The following SMG6 variants were observed in gnomAD, a reference collection of about 807,000 sequenced individuals.
SMG6 encodes the protein telomerase-binding protein EST1A.
A neutral mutation model predicts 142.2 loss-of-function variants in SMG6; 66 were observed. The ratio of observed to expected loss-of-function variants is 0.46; its 90% CI spans 0.38 to 0.57. The LOEUF is 0.57. Among genes scored for constraint, SMG6 ranks in the 20% least tolerant of loss-of-function variants. SMG6 has a pLI of 0.00. For missense variants in SMG6, 1,793 were observed against 1,832.0 expected (o/e 0.98, Z 0.39); for synonymous variants, 779 against 702.4 (o/e 1.11, Z -1.72).
In SMG6 at chr17:2,205,436, C is replaced by T. The variant is rs908196541; in HGVS notation, c.2870-16921G>A. Among the ~76,000 whole-genome samples the T allele has an allele frequency of 6.0e-4, 91 of 152,000 alleles. 2 individuals carry two copies. Among genetic ancestry groups the T allele is most frequent in the Admixed American group, 6.0e-3 (91 of 15,266 alleles). Reference sequence around the variant, plus strand: ...ATTTTTTATATTTACTCTTTTATACCACAATTCACAAAAGATTTGTGACAA... The same window carrying T: ...ATTTTTTATATTTACTCTTTTATACTACAATTCACAAAAGATTTGTGACAA... On this transcript the variant is annotated intron_variant, in intron 10 of 18. Coordinates refer to ENST00000263073, the MANE Select transcript of SMG6 (RefSeq NM_017575.5).
intron 13 of SMG6, among the ~76,000 whole-genome samples, chr17:2,145,974 A>G (rs975544377): frequency 1.3e-5 from 2 of 152,176 alleles, no homozygotes; most frequent in East Asian, 1.9e-4. Flanking sequence ...TAGCATCTGA[A>G]TAACTAAAAA....
intron 10 of SMG6, among the ~76,000 whole-genome samples, chr17:2,216,735 T>C (rs1298799925): frequency 6.6e-6 from 1 of 152,224 alleles, no homozygotes; most frequent in East Asian, 1.9e-4. Flanking sequence ...TGCTAAAATA[T>C]TATATAGTCT....
At chr17:2,219,803 C>CAAAAAAAAA (rs72234069) in intron 10 of SMG6, among the ~76,000 whole-genome samples, 1 of 118,094 alleles carries the variant, frequency 8.5e-6, no homozygotes, top group Non-Finnish European at 1.8e-5. Context: ...GACCCTTTAT[C>CAAAAAAAAA]AAAAAAAAAA....
Position 2,075,147 on chromosome 17 carries a change from T to C in SMG6, c.3682-6216A>G, listed in dbSNP as rs1317826478. Among the ~76,000 whole-genome samples the C allele has an allele frequency of 2.6e-5, 4 of 152,194 alleles. 1 individual carries two copies. In the South Asian group the frequency reaches 8.3e-4, roughly 31 times the overall value. On this transcript the variant is annotated intron_variant, in intron 15 of 18. Transcript: ENST00000263073. ...GACAGCCAGGAGCCAGGCCTGAGTGTCTGCCTTCCGCCAGCTTCCATACAG... is the reference window on the plus strand; with the variant it reads ...GACAGCCAGGAGCCAGGCCTGAGTGCCTGCCTTCCGCCAGCTTCCATACAG...
At chr17:2,181,502 C>T (rs1388155366) in intron 12 of SMG6, among the ~76,000 whole-genome samples, 1 of 152,218 alleles carries the variant, frequency 6.6e-6, no homozygotes, top group Non-Finnish European at 1.5e-5. Context: ...TTCTCTATTA[C>T]ACTGTTTTAT....
chr17:2,217,680 C>T (rs925638469), intron 10 of SMG6, among the ~76,000 whole-genome samples: 2 of 152,190 alleles, frequency 1.3e-5, no homozygotes, highest in Non-Finnish European at 2.9e-5. Flanking sequence ...CTCCCCTCAG[C>T]CACCTTCCAC....
At chr17:2,121,657 A>T (rs577380046) in intron 13 of SMG6, among the ~76,000 whole-genome samples, 2 of 138,198 alleles carry the variant, frequency 1.4e-5, no homozygotes, top group South Asian at 2.3e-4. Flanking sequence ...AGAGAGAGAG[A>T]GAGTATCACC....
chr17:2,103,373 G>T (rs1243623049), intron 13 of SMG6, among the ~76,000 whole-genome samples: 1 of 152,208 alleles, frequency 6.6e-6, no homozygotes, highest in East Asian at 1.9e-4. Context: ...ATGGAAAAGG[G>T]TGGTATAGGT....
At chr17:2,293,758 G>C (rs111933964) in intron 4 of SMG6, among the ~76,000 whole-genome samples, 7 of 152,230 alleles carry the variant, frequency 4.6e-5, no homozygotes, top group Admixed American at 4.6e-4. Context: ...ACAGGCGTGA[G>C]CCATCACGCC....
At chr17:2,246,114 T>C (rs1567714618) in intron 8 of SMG6, among the ~76,000 whole-genome samples, 1 of 152,258 alleles carries the variant, frequency 6.6e-6, no homozygotes, top group East Asian at 1.9e-4. Flanking sequence ...TTTACAATCG[T>C]GGTTCAAGGT....
chr17:2,284,258 T>C (rs1377518241), intron 6 of SMG6, among the ~76,000 whole-genome samples: 1 of 152,196 alleles, frequency 6.6e-6, no homozygotes, highest in Non-Finnish European at 1.5e-5. Flanking sequence ...GGAGTAATAA[T>C]ACCCAATGGA....
At chr17:2,188,176 G>C (rs527596683) in intron 11 of SMG6, among the ~76,000 whole-genome samples, 2 of 152,200 alleles carry the variant, frequency 1.3e-5, no homozygotes, top group Admixed American at 1.3e-4. Context: ...GGAGAAAAGA[G>C]AGAGGAAAGG....
intron 6 of SMG6, among the ~76,000 whole-genome samples, chr17:2,291,461 G>GA: frequency 6.6e-6 from 1 of 151,638 alleles, no homozygotes; most frequent in East Asian, 1.9e-4. Flanking sequence ...AAAAAGGGAA[G>GA]AAAAAATAGT....
chr17:2,081,888 G>A lies in SMG6; in HGVS notation c.3603C>T (p.Asp1201=), dbSNP rs751378779. 21 of 1,614,156 alleles carry A rather than the reference G, an allele frequency of 1.3e-5. 2 individuals carry two copies. The South Asian group carries it at 2.1e-4, about 16-fold the overall frequency. ...GCTTCTTGGCCCGAAGCTCCCTGAT[G>A]TCATCCTCGCCTCCGCTGCCTTCAG... ...SEAEGSGGED[D]IRELRAKKLA... is the part of the protein sequence containing the mutation. The change falls in exon 15 of 19, where the codon GAC becomes GAT. Residue 1201 remains aspartate, a synonymous_variant. Transcript: ENST00000263073.
Position 2,076,010 on chromosome 17 carries a change from C to T in SMG6, c.3681+5800G>A, listed in dbSNP as rs2068247660. 9.2e-5 allele frequency among the ~76,000 whole-genome samples: 14 copies of T among 152,224 alleles called. 1 individual carries two copies. Among genetic ancestry groups the T allele is most frequent in the Admixed American group, 9.2e-4 (14 of 15,290 alleles). Reference sequence around the variant, plus strand: ...AGAGGGAGACCAGGCCTCACCTCCCCCATGCTCACAGAAGAGCTTAGGCGG... The same window carrying T: ...AGAGGGAGACCAGGCCTCACCTCCCTCATGCTCACAGAAGAGCTTAGGCGG... On this transcript the variant is annotated intron_variant, in intron 15 of 18. Transcript: ENST00000263073.
chr17:2,293,124 ACT>A, intron 4 of SMG6, 147 bp from the exon 5 acceptor site: 1 of 614,246 alleles, frequency 1.6e-6, no homozygotes, highest in South Asian at 2.0e-5. Flanking sequence ...CCTAAACCTG[ACT>A]ACCAAAAAAA....
intron 13 of SMG6, among the ~76,000 whole-genome samples, chr17:2,128,615 G>A (rs569345559): frequency 2.0e-5 from 3 of 152,234 alleles, no homozygotes; most frequent in East Asian, 1.9e-4. Context: ...CTTGAGGTCA[G>A]GAGTTCGAGA....
intron 8 of SMG6, among the ~76,000 whole-genome samples, chr17:2,261,698 C>T (rs1016064005): frequency 3.9e-5 from 6 of 151,968 alleles, no homozygotes; most frequent in South Asian, 2.1e-4. Flanking sequence ...CCCCAGTGTA[C>T]GGATGTAAAG....
intron 10 of SMG6, among the ~76,000 whole-genome samples, chr17:2,197,108 A>T (rs1230571076): frequency 6.6e-6 from 1 of 152,200 alleles, no homozygotes; most frequent in African/African-American, 2.4e-5. Context: ...CAAAAGTACA[A>T]TCCATAAAAG....
Sources: allele counts gnomAD v4.1 joint callset (sites outside exome capture counted in the v4.1 genomes callset), GRCh38; gene constraint gnomAD v4.1.1; transcripts MANE v1.5; gene names NCBI Gene and HGNC (gene_info 2026-07-23, HGNC 2026-07-21).